The following ETV7 variants were observed in gnomAD, a reference collection of about 807,000 sequenced individuals.
The protein encoded by ETV7 is ETS variant transcription factor 7, also known as transcription factor ETV7.
A neutral mutation model predicts 39.1 loss-of-function variants in ETV7; 43 were observed. That is an observed-to-expected ratio of 1.10 (90% CI 0.86 to 1.42). The LOEUF is 1.42. Ranked by LOEUF, ETV7 falls within the 40% of genes most tolerant of loss-of-function variation. ETV7 has a pLI of 0.00. For synonymous variants in ETV7, 196 were observed against 176.6 expected, an observed-to-expected ratio of 1.11 and a Z score of -0.87; for missense variants, 432 against 442.3, an observed-to-expected ratio of 0.98 and a Z score of 0.21.
intron 2 of ETV7, 66 bp from the exon 3 acceptor site, chr6:36,376,101 C>A: frequency 6.8e-7 from 1 of 1,470,754 alleles, no homozygotes; most frequent in Non-Finnish European, 9.2e-7. Context: ...CCACCCTGAA[C>A]ACTTCATCTG....
Position 36,371,516 on chromosome 6 carries a change from G to A in ETV7, c.478C>T (p.Leu160=). 1 of 1,605,776 alleles carries A rather than the reference G, an allele frequency of 6.2e-7. No individual in the cohort carries two copies. Among genetic ancestry groups the A allele is most frequent in the Non-Finnish European group, 8.5e-7 (1 of 1,176,802 alleles). ...SQMDTRRGHL[L]QPPDPGLTSN... The stretch of plus-strand genomic sequence containing the variant: ...GTAAGCCCTGGGTCTGGTGGCTGCA[G>A]CAGGTGGCCCCTTCGGGTGTCCATC... Residue 160 remains leucine (L), a synonymous_variant, in exon 5 of 8, where the codon CTG becomes TTG. Transcript: ENST00000340181.
At position 36,371,457 on chromosome 6, in the gene ETV7, C is replaced by T; in HGVS notation, c.537G>A (p.Leu179=). Reference sequence around the variant, plus strand: ...CCTCCTTGCCAGGGGTCCACCTTGCCAGGCCAGGGTCATCCAGGTGGCCGA... The same window carrying T: ...CCTCCTTGCCAGGGGTCCACCTTGCTAGGCCAGGGTCATCCAGGTGGCCGA... ...SNFGHLDDPG[L]ARWTPGKEES... Residue 179 remains leucine, a synonymous_variant, in exon 5 of 8, where the codon CTG becomes CTA. Coordinates refer to ENST00000340181, the MANE Select transcript of ETV7 (RefSeq NM_016135.4). 20 of 1,602,640 alleles carry T rather than the reference C, an allele frequency of 1.2e-5. No individual in the cohort carries two copies. Among genetic ancestry groups the T allele is most frequent in the Non-Finnish European group, 1.6e-5 (19 of 1,174,314 alleles).
chr6:36,366,608 C>T lies in ETV7; in HGVS notation c.*37G>A, dbSNP rs1228862938. On this transcript the variant is annotated 3_prime_UTR_variant, in exon 8 of 8. Coordinates refer to ENST00000340181, the MANE Select transcript of ETV7 (RefSeq NM_016135.4). ...GCCTTCATGGGAGACTCGGTCCCTG[C>T]CCCATCGGTACCGGGTGCCTGGAGT... is the stretch of plus-strand genomic sequence containing the variant. The T allele has an allele frequency of 3.1e-6, 5 of 1,613,742 alleles. No individual in the cohort carries two copies. The African/African-American group carries it at 6.7e-5, about 22-fold the overall frequency.
chr6:36,356,963 A>G (rs752726341), intron 7 of ETV7, among the ~76,000 whole-genome samples: 2 of 152,270 alleles, frequency 1.3e-5, no homozygotes, highest in Non-Finnish European at 2.9e-5. Context: ...TCTATGCCAT[A>G]ACGCAAAGAA....
Position 36,371,338 on chromosome 6 carries a change from C to T in ETV7, c.656G>A (p.Arg219Lys). The T allele has an allele frequency of 1.9e-6, 3 of 1,586,684 alleles. No individual in the cohort carries two copies. The highest frequency in any genetic ancestry group is 2.6e-6 in the Non-Finnish European group (3 of 1,165,268). The change falls in exon 5 of 8, where the codon AGG becomes AAG. Residue 219 changes from arginine to lysine, a missense_variant. Arg to Lys is a conservative substitution (Grantham distance 26). Transcript: ENST00000340181. Reference sequence around the variant, plus strand: ...AACAGCCTCCCACTCACCAGCGATCCTGCCGTCAATGGGGGCCTGCGGCAT... The same window carrying T: ...AACAGCCTCCCACTCACCAGCGATCTTGCCGTCAATGGGGGCCTGCGGCAT... ...PAMPQAPIDG[R>K]IADCRLLWDY...
chr6:36,364,495 G>A (rs897817965), downstream of ETV7, among the ~76,000 whole-genome samples: 4 of 152,250 alleles, frequency 2.6e-5, no homozygotes, highest in Non-Finnish European at 4.4e-5. Context: ...CTCATTGCCC[G>A]GGGCTGGCAG....
At chr6:36,365,010 AAGTCCAAG>A (rs1160850814), downstream of ETV7, among the ~76,000 whole-genome samples, 1 of 152,172 alleles carries the variant, frequency 6.6e-6, no homozygotes, top group Non-Finnish European at 1.5e-5. Context: ...TTGAGCCCCA[AAGTCCAAG>A]AGTCCTTATC....
At chr6:36,363,827 T>A (rs961139271), downstream of ETV7, among the ~76,000 whole-genome samples, 2 of 148,224 alleles carry the variant, frequency 1.3e-5, no homozygotes, top group South Asian at 2.2e-4. Context: ...CCCACCAGAG[T>A]AGCTAGATAC....
chr6:36,369,772 A>G (rs773709957), intron 5 of ETV7, among the ~76,000 whole-genome samples: 1 of 152,176 alleles, frequency 6.6e-6, no homozygotes, highest in Non-Finnish European at 1.5e-5. Context: ...AATGTTAAGC[A>G]TTATAATTGA....
At chr6:36,374,409 G>A (rs1382220622) in intron 3 of ETV7, among the ~76,000 whole-genome samples, 1 of 151,888 alleles carries the variant, frequency 6.6e-6, no homozygotes, top group Non-Finnish European at 1.5e-5. Context: ...AATCTTCTTT[G>A]ACTCATACCT....
chr6:36,364,116 G>A, downstream of ETV7, among the ~76,000 whole-genome samples: 1 of 152,238 alleles, frequency 6.6e-6, no homozygotes, highest in East Asian at 1.9e-4. Flanking sequence ...CCCTGAACTA[G>A]ACATAAAGGT....
chr6:36,371,683 C>G, intron 4 of ETV7, 123 bp from the exon 5 acceptor site: 1 of 896,210 alleles, frequency 1.1e-6, no homozygotes, highest in Non-Finnish European at 1.7e-6. Flanking sequence ...CTCCAACCAG[C>G]CCCTGGTTAG....
At chr6:36,387,310 A>T (rs1374975681) in intron 1 of ETV7, among the ~76,000 whole-genome samples, 8 of 152,226 alleles carry the variant, frequency 5.3e-5, no homozygotes, top group Non-Finnish European at 1.0e-4. Context: ...TGATGCCTTC[A>T]GAGCTGTGTA....
chr6:36,359,199 C>G (rs1381390299), intron 7 of ETV7, among the ~76,000 whole-genome samples: 4 of 152,144 alleles, frequency 2.6e-5, no homozygotes, highest in African/African-American at 9.7e-5. Flanking sequence ...ACCTATAATC[C>G]CAGCACTTTG....
Position 36,373,590 on chromosome 6 carries a change from TGGGAGGG to T in ETV7, c.308-19_308-13del. 3.9e-6 allele frequency: 1 copy of T among 255,708 alleles called. No homozygotes were observed. The highest frequency in any genetic ancestry group is 6.9e-6 in the Non-Finnish European group (1 of 145,290). The allele number at this position is 255,708 out of a possible 1,614,324, so 15.8% of individuals were successfully genotyped here. A position where few individuals can be genotyped will look rare whatever the true frequency, so the allele number is the denominator to read the frequency against. On this transcript the variant is annotated splice_polypyrimidine_tract_variant and intron_variant, in intron 3 of 7. Coordinates refer to ENST00000340181, the MANE Select transcript of ETV7 (RefSeq NM_016135.4). ...ATACAGGACGTCACCTGGAGGTGGG[TGGGAGGG>T]AGGGCAGGCTGCTGAACAGGCCACG...
intron 1 of ETV7, 29 bp downstream of exon 1, chr6:36,387,507 C>G (rs375397081): frequency 2.5e-6 from 4 of 1,614,024 alleles, no homozygotes; most frequent in Non-Finnish European, 3.4e-6. Context: ...TCTGCGTGCG[C>G]GCTGCGTGTT....
intron 7 of ETV7, among the ~76,000 whole-genome samples, chr6:36,355,876 C>T (rs1208142597): frequency 2.0e-5 from 3 of 152,198 alleles, no homozygotes; most frequent in African/African-American, 7.2e-5. Context: ...CAGTCATTCC[C>T]TCTGATTCAT....
downstream of ETV7, among the ~76,000 whole-genome samples, chr6:36,362,224 C>G (rs971399949): frequency 6.6e-6 from 1 of 152,104 alleles, no homozygotes; most frequent in South Asian, 2.1e-4. Flanking sequence ...ATGGCGTGAA[C>G]CCGGGAGGCA....
downstream of ETV7, among the ~76,000 whole-genome samples, chr6:36,363,587 G>C (rs960676587): frequency 1.3e-5 from 2 of 152,232 alleles, no homozygotes; most frequent in African/African-American, 4.8e-5. Context: ...AAAGAACAAA[G>C]CTCCCACGGT....
Sources: gnomAD v4.1 joint callset for allele counts (sites outside exome capture counted in the v4.1 genomes callset) on GRCh38, gnomAD v4.1.1 for gene constraint, MANE v1.5 for transcripts, NCBI Gene and HGNC (gene_info 2026-07-23, HGNC 2026-07-21) for gene names.